Variants in CHD1L observed in about 807,000 individuals in gnomAD.
The protein encoded by CHD1L is chromodomain helicase DNA binding protein 1 like, also known as ATP-dependent chromatin remodeler CHD1L.
A neutral mutation model predicts 115.9 loss-of-function variants in CHD1L; 118 were observed. The observed-to-expected ratio is 1.02, with a 90% confidence interval of 0.88 to 1.19. The LOEUF (loss-of-function observed/expected upper bound fraction) is 1.19. CHD1L is among the 50% of genes most tolerant of loss of function. CHD1L has a pLI of 0.00. For missense variants in CHD1L, 1,179 were observed against 1,065.3 expected (o/e 1.11, Z -1.49); for synonymous variants, 411 against 387.1 (o/e 1.06, Z -0.72).
upstream of CHD1L, chr1:147,242,616 C>G (rs782267432): frequency 1.7e-5 from 21 of 1,207,096 alleles, no homozygotes; most frequent in Non-Finnish European, 2.2e-5. Flanking sequence ...TAGGTGGGCC[C>G]CAGCGCGCAG....
chr1:147,223,796 C>T, the CHD1L span: 6 of 267,734 alleles, frequency 2.2e-5, no homozygotes, highest in Admixed American at 1.0e-4. Context: ...CTGCCATTAA[C>T]CAGTTCACCC....
intron 15 of CHD1L, among the ~76,000 whole-genome samples, chr1:147,281,114 C>A (rs1228392707): frequency 6.6e-6 from 1 of 152,184 alleles, no homozygotes; most frequent in South Asian, 2.1e-4. Context: ...CTTCCCACTT[C>A]TAAGTTGTCT....
At chr1:147,233,624 T>G in the CHD1L span, among the ~76,000 whole-genome samples, 1 of 152,098 alleles carries the variant, frequency 6.6e-6, no homozygotes, top group Non-Finnish European at 1.5e-5. Context: ...GAACAGGCCA[T>G]GATGACAATG....
chr1:147,244,294 T>A (rs965445633), intron 1 of CHD1L, among the ~76,000 whole-genome samples: 1 of 152,032 alleles, frequency 6.6e-6, no homozygotes, highest in Non-Finnish European at 1.5e-5. Context: ...TGGAATGGAG[T>A]GAGTAAATTC....
intron 6 of CHD1L, among the ~76,000 whole-genome samples, chr1:147,263,558 T>G (rs587725127): frequency 6.6e-6 from 1 of 152,302 alleles, no homozygotes; most frequent in Non-Finnish European, 1.5e-5. Context: ...TGACCTAATA[T>G]CTTTTCTTCT....
At position 147,272,263 on chromosome 1, in the gene CHD1L, C is replaced by G; in HGVS notation, c.1252C>G (p.Leu418Val). ...TGGACAGCAGCCCATTTTCGTTTTT[C>G]TCCTGAGTACTAGGGCAGGTAGGCT... ...NFGQQPIFVF[L>V]LSTRAGGVGM... The change falls in exon 12 of 23, where the codon CTC (leucine) becomes GTC (valine). Residue 418 changes from leucine (L) to valine (V), a missense_variant. By Grantham distance (32) the Leu-to-Val change is conservative (BLOSUM62 1). Transcript: ENST00000369258. 2 of 1,613,326 alleles carry G rather than the reference C, an allele frequency of 1.2e-6. No individual in the cohort carries two copies. The highest frequency in any genetic ancestry group is 1.7e-6 in the Non-Finnish European group (2 of 1,179,278).
chr1:147,277,374 AC>A (rs1331433984), intron 14 of CHD1L, among the ~76,000 whole-genome samples: 16 of 152,194 alleles, frequency 1.1e-4, no homozygotes, highest in Non-Finnish European at 4.4e-5. Flanking sequence ...GTCTGAAAAA[AC>A]AGCAGTTTTC....
chr1:147,231,082 C>A, the CHD1L span, among the ~76,000 whole-genome samples: 5 of 152,098 alleles, frequency 3.3e-5, no homozygotes, highest in African/African-American at 1.2e-4. Flanking sequence ...TTCTCTAGTT[C>A]TTTTAATTGT....
chr1:147,269,852 C>T (rs1411679903), intron 10 of CHD1L, among the ~76,000 whole-genome samples: 1 of 152,168 alleles, frequency 6.6e-6, no homozygotes, highest in South Asian at 2.1e-4. Context: ...CTGAACTAAT[C>T]TAAAACTTCA....
chr1:147,212,485 G>C, the CHD1L span: 2 of 1,613,752 alleles, frequency 1.2e-6, no homozygotes, highest in Non-Finnish European at 1.7e-6. Context: ...AATCCCTCTG[G>C]GTTCTTATAG....
At chr1:147,215,363 T>A in the CHD1L span, 1 of 161,184 alleles carries the variant, frequency 6.2e-6, no homozygotes, top group South Asian at 1.9e-4. Flanking sequence ...TATTGGAAAG[T>A]ACTTCAGAAA....
At chr1:147,282,577 A>G (rs143342548) in intron 15 of CHD1L, among the ~76,000 whole-genome samples, 60 of 152,168 alleles carry the variant, frequency 3.9e-4, no homozygotes, top group Non-Finnish European at 7.2e-4. Context: ...TTCATCCACC[A>G]TTGCCTCATA....
chr1:147,278,345 C>T (rs782108919), intron 14 of CHD1L, among the ~76,000 whole-genome samples: 2 of 149,136 alleles, frequency 1.3e-5, no homozygotes, highest in African/African-American at 2.5e-5. Flanking sequence ...CTGCCTCAGC[C>T]TCCTGAGTAG....
At chr1:147,236,279 T>C in the CHD1L span, among the ~76,000 whole-genome samples, 1 of 152,206 alleles carries the variant, frequency 6.6e-6, no homozygotes, top group Non-Finnish European at 1.5e-5. Flanking sequence ...AGGTCTGGGC[T>C]TCCCAAAGGG....
At chr1:147,215,713 C>A in the CHD1L span, 67 of 1,431,874 alleles carry the variant, frequency 4.7e-5, no homozygotes, top group Non-Finnish European at 6.2e-5. Flanking sequence ...ATTTACTTGG[C>A]AAACAACTTC....
chr1:147,258,939 G>C (rs1315989548), intron 5 of CHD1L: 1 of 151,990 alleles, frequency 6.6e-6, no homozygotes, highest in Non-Finnish European at 1.5e-5. Context: ...TGTAAAAGAG[G>C]ATACATGATA....
the CHD1L span, among the ~76,000 whole-genome samples, chr1:147,200,986 TA>T: frequency 2.0e-5 from 3 of 152,362 alleles, no homozygotes; most frequent in Admixed American, 1.3e-4. Flanking sequence ...TCCATGGTTA[TA>T]AATTGCTACT....
chr1:147,261,949 A>G (rs1672087998), intron 6 of CHD1L, among the ~76,000 whole-genome samples: 1 of 152,084 alleles, frequency 6.6e-6, no homozygotes. Flanking sequence ...TAATCCCAGC[A>G]CTTTGGGAGG....
intron 1 of CHD1L, among the ~76,000 whole-genome samples, chr1:147,246,289 A>G (rs1553933830): frequency 6.6e-6 from 1 of 152,114 alleles, no homozygotes; most frequent in African/African-American, 2.4e-5. Context: ...TTGTTTCACC[A>G]CTCACCCACT....
Sources: gnomAD v4.1 joint callset for allele counts (sites outside exome capture counted in the v4.1 genomes callset) on GRCh38, gnomAD v4.1.1 for gene constraint, MANE v1.5 for transcripts, NCBI Gene and HGNC (gene_info 2026-07-23, HGNC 2026-07-21) for gene names.